The following PCDH11Y variants were observed in gnomAD, a reference collection of about 807,000 sequenced individuals.
PCDH11Y encodes protocadherin 11 Y-linked.
For missense variants in PCDH11Y, 12 were observed against 224.8 expected, an observed-to-expected ratio of 0.05 and a Z score of 6.05; for synonymous variants, 9 against 83.6, an observed-to-expected ratio of 0.11 and a Z score of 4.87.
intron 2 of PCDH11Y, among the ~76,000 whole-genome samples, chrY:5,316,806 A>C: frequency 3.0e-5 from 1 of 32,852 alleles, no homozygotes; most frequent in Non-Finnish European, 7.4e-5. Context: ...ATAATTGCCC[A>C]ATATCTCAGC....
intron 2 of PCDH11Y, among the ~76,000 whole-genome samples, chrY:5,152,282 A>T: frequency 3.1e-5 from 1 of 32,477 alleles, no homozygotes; most frequent in African/African-American, 1.2e-4. Flanking sequence ...TCACATTATA[A>T]AGCATATTTT....
intron 4 of PCDH11Y, among the ~76,000 whole-genome samples, chrY:5,616,820 G>T (rs368740751): frequency 3.1e-5 from 1 of 32,770 alleles, no homozygotes; most frequent in Non-Finnish European, 7.5e-5. Flanking sequence ...TAGCTTTAGT[G>T]GTTGATATTC....
At chrY:5,714,026 T>G (rs2053588385) in intron 4 of PCDH11Y, among the ~76,000 whole-genome samples, 1 of 32,517 alleles carries the variant, frequency 3.1e-5, no homozygotes, top group Admixed American at 2.8e-4. Flanking sequence ...CTCTCCCTGA[T>G]TTCTCCAGAA....
intron 2 of PCDH11Y, among the ~76,000 whole-genome samples, chrY:5,135,585 C>T (rs2052838225): frequency 3.1e-5 from 1 of 32,638 alleles, no homozygotes; most frequent in Non-Finnish European, 7.5e-5. Flanking sequence ...ACCCCATTGG[C>T]CTGAGAACCA....
At chrY:5,010,219 A>G (rs1602835242) in intron 1 of PCDH11Y, among the ~76,000 whole-genome samples, 4,892 of 30,016 alleles carry the variant, frequency 0.16, no homozygotes, top group African/African-American at 0.65. Context: ...AAAAAAAAAA[A>G]AAAAGAAAAA....
chrY:5,272,884 G>T, intron 2 of PCDH11Y, among the ~76,000 whole-genome samples: 1 of 30,653 alleles, frequency 3.3e-5, no homozygotes, highest in Non-Finnish European at 7.8e-5. Flanking sequence ...TATGTTCAAA[G>T]TGTCCCTTCT....
intron 4 of PCDH11Y, among the ~76,000 whole-genome samples, chrY:5,685,290 T>TA (rs2053562223): frequency 6.5e-5 from 2 of 30,872 alleles, no homozygotes; most frequent in African/African-American, 2.5e-4. Context: ...AAAGTTCAAT[T>TA]AAAAAAAAGA....
chrY:5,503,429 C>T, intron 3 of PCDH11Y, among the ~76,000 whole-genome samples: 1 of 32,661 alleles, frequency 3.1e-5, no homozygotes, highest in Non-Finnish European at 7.6e-5. Context: ...AAAATGAATG[C>T]CCATTTTCTA....
At chrY:5,183,220 C>A (rs2052903217) in intron 2 of PCDH11Y, among the ~76,000 whole-genome samples, 1 of 33,653 alleles carries the variant, frequency 3.0e-5, no homozygotes, top group Non-Finnish European at 7.4e-5. Flanking sequence ...ACTACCACTT[C>A]CCTTGGATGA....
At chrY:5,598,075 G>A in intron 4 of PCDH11Y, among the ~76,000 whole-genome samples, 1 of 31,614 alleles carries the variant, frequency 3.2e-5, no homozygotes, top group Non-Finnish European at 7.7e-5. Context: ...ATAAATTTTT[G>A]AAATTGTTTC....
intron 4 of PCDH11Y, among the ~76,000 whole-genome samples, chrY:5,633,327 T>A (rs2053513809): frequency 3.2e-5 from 1 of 31,563 alleles, no homozygotes; most frequent in Non-Finnish European, 7.7e-5. Context: ...AATTCTTCTA[T>A]AAACATTCAT....
chrY:5,664,804 G>T (rs2124707609), intron 4 of PCDH11Y, among the ~76,000 whole-genome samples: 1 of 31,450 alleles, frequency 3.2e-5, no homozygotes, highest in South Asian at 7.3e-4. Flanking sequence ...GTTTCACCAT[G>T]TTGGTCAGAC....
intron 2 of PCDH11Y, among the ~76,000 whole-genome samples, chrY:5,384,293 A>G: frequency 3.2e-5 from 1 of 31,601 alleles, no homozygotes; most frequent in Non-Finnish European, 7.7e-5. Context: ...ACCCACTGCA[A>G]AAATTCAACA....
chrY:5,288,582 T>C (rs2053063180), intron 2 of PCDH11Y, among the ~76,000 whole-genome samples: 1 of 31,097 alleles, frequency 3.2e-5, no homozygotes, highest in Admixed American at 3.1e-4. Context: ...TAAAACACTT[T>C]CTTGGGGTGG....
intron 4 of PCDH11Y, among the ~76,000 whole-genome samples, chrY:5,603,835 G>A (rs1602949141): frequency 6.2e-5 from 1 of 16,136 alleles, no homozygotes. Flanking sequence ...GAAAGAAAGA[G>A]AGAAAGAGAG....
At chrY:5,357,018 G>A (rs2053167387) in intron 2 of PCDH11Y, among the ~76,000 whole-genome samples, 1 of 25,722 alleles carries the variant, frequency 3.9e-5, no homozygotes, top group East Asian at 1.0e-3. Context: ...GTGAAACCTC[G>A]TCTCTACTAA....
intron 2 of PCDH11Y, among the ~76,000 whole-genome samples, chrY:5,479,817 C>T: frequency 3.0e-5 from 1 of 33,405 alleles, no homozygotes; most frequent in Admixed American, 2.7e-4. Context: ...TCCACTTTAT[C>T]GCTTGGCTAT....
chrY:5,137,734 C>T, intron 2 of PCDH11Y, among the ~76,000 whole-genome samples: 1 of 32,861 alleles, frequency 3.0e-5, no homozygotes, highest in African/African-American at 1.2e-4. Flanking sequence ...ATCGTATATA[C>T]GCACCTAACA....
At chrY:5,583,320 C>A (rs1203208931) in intron 4 of PCDH11Y, among the ~76,000 whole-genome samples, 2 of 31,964 alleles carry the variant, frequency 6.3e-5, no homozygotes, top group Non-Finnish European at 1.5e-4. Context: ...TGTGATTTCT[C>A]CAATGTAGTT....
Sources: allele counts gnomAD v4.1 joint callset (sites outside exome capture counted in the v4.1 genomes callset), GRCh38; gene constraint gnomAD v4.1.1; transcripts MANE v1.5; gene names NCBI Gene and HGNC (gene_info 2026-07-23, HGNC 2026-07-21).